ZNF600: variants seen among roughly 807,000 people sequenced by gnomAD.
ZNF600 encodes the protein zinc finger protein 600.
A neutral mutation model predicts 7.3 loss-of-function variants in ZNF600; 4 were observed. That is an observed-to-expected ratio of 0.55 (90% CI 0.27 to 1.25). The LOEUF (loss-of-function observed/expected upper bound fraction) is 1.25, where lower values mean the gene tolerates loss of function less well. Ranked by LOEUF, ZNF600 falls within the 50% of genes most tolerant of loss-of-function variation. The probability of loss-of-function intolerance (pLI) is 0.12; values close to 1 mark genes in which losing one functional copy is unlikely to be tolerated. For synonymous variants in ZNF600, 290 were observed against 308.9 expected (o/e 0.94, Z 0.64); for missense variants, 911 against 922.1 (o/e 0.99, Z 0.16).
exon 4 of ZNF600, chr19:52,765,038 ATCC>A (rs1361012246): frequency 6.8e-6 from 2 of 292,834 alleles, no homozygotes; most frequent in Non-Finnish European, 1.3e-5. Flanking sequence ...ACCTGGCCCA[ATCC>A]TCTTAACATA....
At chr19:52,795,393 A>G in the ZNF600 span, among the ~76,000 whole-genome samples, 4 of 152,142 alleles carry the variant, frequency 2.6e-5, no homozygotes, top group South Asian at 2.1e-4. Flanking sequence ...GCAGTCCTCA[A>G]TGTAAACTAA....
At chr19:52,772,760 C>T (rs1461724687) in intron 3 of ZNF600, among the ~76,000 whole-genome samples, 1 of 152,128 alleles carries the variant, frequency 6.6e-6, no homozygotes, top group East Asian at 1.9e-4. Flanking sequence ...TGAAGGATCC[C>T]ATGACATGTT....
the ZNF600 span, chr19:52,799,511 AT>A: frequency 8.2e-7 from 1 of 1,214,462 alleles, no homozygotes; most frequent in South Asian, 1.3e-5. Context: ...TGCCACATTC[AT>A]TACACTTGTA....
chr19:52,785,826 C>A (rs746953951), intron 1 of ZNF600, among the ~76,000 whole-genome samples: 2 of 152,150 alleles, frequency 1.3e-5, no homozygotes, highest in Admixed American at 6.6e-5. Context: ...GAGCCTCCCT[C>A]TTTGCTGCCC....
intron 2 of ZNF600, among the ~76,000 whole-genome samples, chr19:52,775,093 T>G (rs1488458446): frequency 6.6e-6 from 1 of 151,678 alleles, no homozygotes; most frequent in Non-Finnish European, 1.5e-5. Flanking sequence ...TATAAAAATT[T>G]GTCAGGCATG....
Position 52,767,683 on chromosome 19 carries a change from G to A in ZNF600, c.280C>T (p.Gln94Ter). The change falls in exon 4 of 4, where the codon CAA (glutamine) becomes TAA (stop). Residue 94 changes from glutamine to a stop codon, truncating the protein, a stop_gained. Transcript: ENST00000648973. LOFTEE classifies it low-confidence loss of function (END_TRUNC). ...CAAAAATCTCCAATGTGATAACTTTGATATCTTTGCAATGTCCCTGTGTGG... is the reference window on the plus strand; with the variant it reads ...CAAAAATCTCCAATGTGATAACTTTAATATCTTTGCAATGTCCCTGTGTGG... 6.2e-7 allele frequency: 1 copy of A among 1,613,894 alleles called. No individual in the cohort carries two copies. The highest frequency in any genetic ancestry group is 8.5e-7 in the Non-Finnish European group (1 of 1,179,946).
chr19:52,792,010 G>A, the ZNF600 span, among the ~76,000 whole-genome samples: 4 of 152,216 alleles, frequency 2.6e-5, no homozygotes, highest in African/African-American at 9.6e-5. Context: ...TACTGAGGGT[G>A]GGTTCCATCC....
intron 3 of ZNF600, among the ~76,000 whole-genome samples, chr19:52,769,875 G>A (rs1443829196): frequency 6.6e-6 from 1 of 152,098 alleles, no homozygotes; most frequent in East Asian, 1.9e-4. Flanking sequence ...ACATTAATGA[G>A]TGGAGTGTGG....
At chr19:52,823,930 G>A in the ZNF600 span, among the ~76,000 whole-genome samples, 1 of 151,960 alleles carries the variant, frequency 6.6e-6, no homozygotes, top group East Asian at 1.9e-4. Context: ...TGGCCTGTTG[G>A]CATGTGCCTC....
upstream of ZNF600, among the ~76,000 whole-genome samples, chr19:52,790,001 TTGAGCCAGGA>T (rs2062787295): frequency 1.3e-5 from 2 of 152,128 alleles, no homozygotes; most frequent in Admixed American, 1.3e-4. Flanking sequence ...GGGGAGCTTT[TTGAGCCAGGA>T]TGAGCCAGGA....
the ZNF600 span, among the ~76,000 whole-genome samples, chr19:52,821,851 C>T: frequency 1.3e-5 from 2 of 151,458 alleles, no homozygotes; most frequent in African/African-American, 4.9e-5. Flanking sequence ...TGCATTGGGC[C>T]GAGATCGAGC....
the ZNF600 span, chr19:52,810,339 G>A: frequency 6.2e-7 from 1 of 1,603,120 alleles, no homozygotes; most frequent in Non-Finnish European, 8.5e-7. Context: ...GGACTGCGGT[G>A]CAACAGCAGA....
At chr19:52,817,383 A>G in the ZNF600 span, among the ~76,000 whole-genome samples, 3 of 152,190 alleles carry the variant, frequency 2.0e-5, no homozygotes, top group African/African-American at 7.2e-5. Context: ...AAAAAAAATA[A>G]TAATAATGAA....
chr19:52,800,688 T>G, the ZNF600 span: 2 of 1,613,998 alleles, frequency 1.2e-6, no homozygotes, highest in South Asian at 2.2e-5. Context: ...TTCACATTCT[T>G]CACATTCATA....
chr19:52,813,559 T>C, the ZNF600 span, among the ~76,000 whole-genome samples: 1 of 145,298 alleles, frequency 6.9e-6, no homozygotes, highest in Non-Finnish European at 1.5e-5. Flanking sequence ...CCCTCCGTCT[T>C]CTCCTCACCT....
the ZNF600 span, among the ~76,000 whole-genome samples, chr19:52,825,106 T>C: frequency 5.3e-5 from 8 of 152,072 alleles, no homozygotes; most frequent in African/African-American, 1.9e-4. Flanking sequence ...GATGGAATCT[T>C]CCCAGATCTA....
At chr19:52,768,080 A>G (rs1374057875) in intron 3 of ZNF600, among the ~76,000 whole-genome samples, 1 of 152,144 alleles carries the variant, frequency 6.6e-6, no homozygotes, top group African/African-American at 2.4e-5. Context: ...TGCAAAAAAC[A>G]TATCACTGTC....
At chr19:52,810,576 G>C in the ZNF600 span, 5 of 1,591,320 alleles carry the variant, frequency 3.1e-6, no homozygotes, top group Non-Finnish European at 4.3e-6. Context: ...GGTCTTCCAC[G>C]AGCCCGCTAC....
At chr19:52,810,742 G>A in the ZNF600 span, 3 of 622,830 alleles carry the variant, frequency 4.8e-6, no homozygotes, top group Non-Finnish European at 5.6e-6. Context: ...AGGAAAAAAA[G>A]AGGAAAGAAG....
Sources: allele counts gnomAD v4.1 joint callset (sites outside exome capture counted in the v4.1 genomes callset), GRCh38; gene constraint gnomAD v4.1.1; transcripts MANE v1.5; gene names NCBI Gene and HGNC (gene_info 2026-07-23, HGNC 2026-07-21).